The following SEC24B variants were observed in gnomAD, a reference collection of about 807,000 sequenced individuals.
The protein encoded by SEC24B is SEC24 homolog B, COPII component.
In SEC24B, 45 loss-of-function variants were observed where a neutral mutation model predicts 142.8. That is an observed-to-expected ratio of 0.32 (90% CI 0.25 to 0.40). The LOEUF is 0.40. SEC24B is among the 10% of genes least tolerant of loss of function. SEC24B has a pLI of 1.00. For missense variants in SEC24B, 1,409 were observed against 1,526.8 expected, an observed-to-expected ratio of 0.92 and a Z score of 1.29; for synonymous variants, 574 against 568.2, an observed-to-expected ratio of 1.01 and a Z score of -0.15.
intron 1 of SEC24B, chr4:109,449,542 A>G (rs1729844092): frequency 2.2e-6 from 1 of 455,164 alleles, no homozygotes; most frequent in Non-Finnish European, 4.4e-6. Flanking sequence ...ATTTATTTTC[A>G]CAACAGTTCT....
intron 10 of SEC24B, 109 bp from the exon 11 acceptor site, chr4:109,516,419 G>T (rs1050854015): frequency 1.6e-6 from 1 of 619,784 alleles, no homozygotes. Flanking sequence ...AATCCTATTT[G>T]TGTATTTTTT....
intron 22 of SEC24B, among the ~76,000 whole-genome samples, chr4:109,534,235 C>T (rs1015490656): frequency 7.9e-5 from 12 of 151,174 alleles, no homozygotes; most frequent in Non-Finnish European, 1.5e-4. Context: ...AACATTTAAA[C>T]GTAAAAAAGG....
At chr4:109,446,311 G>T (rs529075521) in intron 1 of SEC24B, among the ~76,000 whole-genome samples, 1 of 152,304 alleles carries the variant, frequency 6.6e-6, no homozygotes, top group Non-Finnish European at 1.5e-5. Flanking sequence ...TTAGAGTGAT[G>T]TGCTTTGGAG....
In SEC24B at chr4:109,433,909, G is replaced by A. The variant is rs1449030438; in HGVS notation, c.40G>A (p.Ala14Thr). 17 of 1,335,242 alleles carry A rather than the reference G, an allele frequency of 1.3e-5. No homozygotes were observed. The highest frequency in any genetic ancestry group is 5.6e-5 in the South Asian group (3 of 54,044). The allele number at this position is 1,335,242 out of a possible 1,614,324, so 82.7% of individuals were successfully genotyped here. A position where few individuals can be genotyped will look rare whatever the true frequency, so the allele number is the denominator to read the frequency against. ...PAGSSHPAASARIPPKFGGAA... is the reference protein window; with the variant it reads ...PAGSSHPAASTRIPPKFGGAA... ...CGGGTCCTCTCACCCGGCCGCCAGCGCCCGGATCCCGCCCAAGTTCGGCGG... is the reference window on the plus strand; with the variant it reads ...CGGGTCCTCTCACCCGGCCGCCAGCACCCGGATCCCGCCCAAGTTCGGCGG... Residue 14 changes from alanine (A) to threonine (T), a missense_variant, in exon 1 of 24, where the codon GCC (alanine) becomes ACC (threonine). Physicochemically the swap from Ala to Thr is moderately conservative, Grantham distance 58 (BLOSUM62 0). Coordinates refer to ENST00000265175, the MANE Select transcript of SEC24B (RefSeq NM_006323.5).
chr4:109,526,564 CA>C (rs1398027932), intron 17 of SEC24B, among the ~76,000 whole-genome samples, 165 bp downstream of exon 17: 1 of 152,104 alleles, frequency 6.6e-6, no homozygotes, highest in African/African-American at 2.4e-5. Flanking sequence ...TTTTAACTCT[CA>C]CTTTTGCATC....
Position 109,494,740 on chromosome 4 carries a change from C to T in SEC24B, c.1372C>T (p.Pro458Ser). 5 of 1,614,220 alleles carry T rather than the reference C, an allele frequency of 3.1e-6. No homozygotes were observed. The highest frequency in any genetic ancestry group is 2.2e-5 in the South Asian group (2 of 91,082). Residue 458 changes from proline (P) to serine (S), a missense_variant, in exon 6 of 24, where the codon CCT becomes TCT. Pro to Ser is a moderately conservative substitution (Grantham distance 74). This residue lies in a region of SEC24B where 709 missense variants were observed against 673.5 expected (regional missense o/e 1.05). Transcript: ENST00000265175. ...VVPQPSKMAKPFGYGYPTLQP... is the reference protein window; with the variant it reads ...VVPQPSKMAKSFGYGYPTLQP... The stretch of plus-strand genomic sequence containing the variant: ...CCCTCAGCCTTCAAAAATGGCTAAG[C>T]CTTTTGGCTATGGCTATCCAACACT...
chr4:109,470,280 C>T (rs1732377605), intron 2 of SEC24B, among the ~76,000 whole-genome samples: 1 of 152,232 alleles, frequency 6.6e-6, no homozygotes, highest in Admixed American at 6.5e-5. Context: ...ACATCTGTGT[C>T]ACCTGGGATC....
At chr4:109,445,223 GT>G (rs1273499181) in intron 1 of SEC24B, among the ~76,000 whole-genome samples, 1 of 141,940 alleles carries the variant, frequency 7.0e-6, no homozygotes, top group Non-Finnish European at 1.5e-5. Flanking sequence ...CATTTTTTTA[GT>G]TTTTTCTTTC....
In SEC24B at chr4:109,462,935, A is replaced by T. The variant is rs1375006951; in HGVS notation, c.168A>T (p.Gly56=). The change falls in exon 2 of 24, where the codon GGA becomes GGT. Residue 56 remains glycine (G), a synonymous_variant. Coordinates refer to ENST00000265175, the MANE Select transcript of SEC24B (RefSeq NM_006323.5). ...AGAATCAAATGCAGGTTCCATCTGG[A>T]TATGGATTGCATCATCAAAACTATA... ...PAQNQMQVPS[G]YGLHHQNYIA... is the part of the protein sequence containing the mutation. 1.9e-6 allele frequency: 3 copies of T among 1,611,956 alleles called. No homozygotes were observed. The highest frequency in any genetic ancestry group is 2.5e-6 in the Non-Finnish European group (3 of 1,179,964).
intron 14 of SEC24B, among the ~76,000 whole-genome samples, chr4:109,524,320 A>G (rs1287714282): frequency 2.6e-5 from 4 of 152,162 alleles, no homozygotes; most frequent in Non-Finnish European, 4.4e-5. Flanking sequence ...GAAATGTTGT[A>G]TGATGATTAA....
At chr4:109,451,221 C>A (rs1215905091) in intron 1 of SEC24B, among the ~76,000 whole-genome samples, 1 of 152,082 alleles carries the variant, frequency 6.6e-6, no homozygotes, top group African/African-American at 2.4e-5. Flanking sequence ...TAATCCAATG[C>A]TGTATATAGA....
chr4:109,488,445 T>G (rs1298239699), intron 4 of SEC24B, among the ~76,000 whole-genome samples: 2 of 152,322 alleles, frequency 1.3e-5, no homozygotes, highest in East Asian at 1.9e-4. Context: ...TGTCAGTACT[T>G]TATTATTTTT....
intron 2 of SEC24B, among the ~76,000 whole-genome samples, chr4:109,467,778 TCTTG>T (rs1205612781): frequency 3.3e-5 from 5 of 152,208 alleles, no homozygotes; most frequent in African/African-American, 4.8e-5. Context: ...TTTGAAAATT[TCTTG>T]CTTAATAAGG....
At chr4:109,509,688 A>C (rs1421316663) in intron 7 of SEC24B, among the ~76,000 whole-genome samples, 2 of 151,478 alleles carry the variant, frequency 1.3e-5, no homozygotes, top group African/African-American at 4.8e-5. Context: ...GAAAAAAAAA[A>C]AAAAAAAAAA....
chr4:109,537,251 CAT>C (rs1725660943), intron 22 of SEC24B, among the ~76,000 whole-genome samples: 1 of 152,168 alleles, frequency 6.6e-6, no homozygotes, highest in African/African-American at 2.4e-5. Flanking sequence ...AATAGGCAAT[CAT>C]GTAGACAGTT....
intron 22 of SEC24B, among the ~76,000 whole-genome samples, chr4:109,536,272 C>A (rs1355428806): frequency 6.6e-6 from 1 of 152,032 alleles, no homozygotes; most frequent in Non-Finnish European, 1.5e-5. Flanking sequence ...GTAAACAGAT[C>A]AGTGGGACAG....
At chr4:109,458,833 AT>A (rs58779960) in intron 1 of SEC24B, among the ~76,000 whole-genome samples, 13,367 of 146,680 alleles carry the variant, frequency 0.091, 699 homozygotes, top group South Asian at 0.19. Flanking sequence ...CACTTTCTGT[AT>A]TTTTTTTTTT....
At chr4:109,477,068 T>C (rs1289099100) in intron 3 of SEC24B, among the ~76,000 whole-genome samples, 1 of 130,848 alleles carries the variant, frequency 7.6e-6, no homozygotes, top group Admixed American at 9.0e-5. Context: ...ACCCGGGAGG[T>C]GGAGCTTGCA....
rs952684074 is a variant in SEC24B at position 109,472,459 on chromosome 4, A to G, written c.878-545A>G. On this transcript the variant is annotated intron_variant, in intron 2 of 23. Coordinates refer to ENST00000265175, the MANE Select transcript of SEC24B (RefSeq NM_006323.5). ...ATTATGGTTAGGCTCTTACTTAGTT[A>G]CATGTGAAATAAGGCATCTGGTTAG... Among the ~76,000 whole-genome samples the G allele has an allele frequency of 7.2e-5, 11 of 152,350 alleles. No individual in the cohort carries two copies. In the East Asian group the frequency reaches 2.1e-3, roughly 29 times the overall value.
Sources: allele counts gnomAD v4.1 joint callset (sites outside exome capture counted in the v4.1 genomes callset), GRCh38; gene constraint gnomAD v4.1.1; regional missense constraint gnomAD v4.1.1; transcripts MANE v1.5; gene names NCBI Gene and HGNC (gene_info 2026-07-23, HGNC 2026-07-21).